RIBC2: variants seen among roughly 807,000 people sequenced by gnomAD.
RIBC2 encodes RIB43A domain with coiled-coils 2, also known as RIB43A-like with coiled-coils protein 2.
A neutral mutation model predicts 44.3 loss-of-function variants in RIBC2; 40 were observed. The ratio of observed to expected loss-of-function variants is 0.90; its 90% CI spans 0.70 to 1.18. RIBC2 has a LOEUF of 1.18. Ranked by LOEUF, RIBC2 falls within the 50% of genes most tolerant of loss-of-function variation. The pLI is 0.00. For synonymous variants in RIBC2, 171 were observed against 175.0 expected (o/e 0.98, Z 0.18); for missense variants, 459 against 485.5 (o/e 0.95, Z 0.51).
chr22:45,422,143 C>T, intron 3 of RIBC2, 147 bp from the exon 4 acceptor site: 1 of 681,984 alleles, frequency 1.5e-6, no homozygotes, highest in Non-Finnish European at 2.6e-6. Flanking sequence ...GACTCTCCCA[C>T]AGCCTTCAGA....
At chr22:45,425,752 C>T (rs116615237) in intron 4 of RIBC2, among the ~76,000 whole-genome samples, 196 bp from the exon 5 acceptor site, 346 of 152,268 alleles carry the variant, frequency 2.3e-3, no homozygotes, top group African/African-American at 8.0e-3. Flanking sequence ...CCAGCCCACC[C>T]GCCCAGCAGT....
chr22:45,415,295 G>A (rs572224035), intron 2 of RIBC2, among the ~76,000 whole-genome samples: 2 of 151,772 alleles, frequency 1.3e-5, no homozygotes, highest in Non-Finnish European at 2.9e-5. Flanking sequence ...CATACAATGG[G>A]CTGTTATGTT....
intron 5 of RIBC2, 140 bp from the exon 6 acceptor site, chr22:45,430,760 T>C: frequency 9.2e-7 from 1 of 1,087,426 alleles, no homozygotes; most frequent in Non-Finnish European, 1.3e-6. Flanking sequence ...GCTTCCTGCA[T>C]GACATCGGTC....
intron 3 of RIBC2, 114 bp from the exon 4 acceptor site, chr22:45,422,175 TC>T: frequency 1.4e-6 from 1 of 735,484 alleles, no homozygotes; most frequent in Admixed American, 1.9e-5. Flanking sequence ...TCATTATTGT[TC>T]CCGTCCTCAT....
intron 3 of RIBC2, among the ~76,000 whole-genome samples, chr22:45,421,727 G>A (rs1348888830): frequency 1.3e-5 from 2 of 151,840 alleles, no homozygotes; most frequent in Admixed American, 6.6e-5. Context: ...GCTGGGATGT[G>A]AGCCTCCTCT....
rs1021445701 is a variant in RIBC2, at chr22:45,428,585, C to T, written c.904-2315C>T. 5.3e-5 allele frequency among the ~76,000 whole-genome samples: 8 copies of T among 152,120 alleles called. No homozygotes were observed. In the South Asian group the frequency reaches 1.2e-3, roughly 24 times the overall value. On this transcript the variant is annotated intron_variant, in intron 5 of 6. Coordinates refer to ENST00000614167, the MANE Select transcript of RIBC2 (RefSeq NM_015653.5). ...GGAGTCACGGGAAGGGGCATCAGGGCGGGAGCTTGCGGGTGAACAGAATTG... is the reference window on the plus strand; with the variant it reads ...GGAGTCACGGGAAGGGGCATCAGGGTGGGAGCTTGCGGGTGAACAGAATTG...
intron 2 of RIBC2, among the ~76,000 whole-genome samples, chr22:45,415,346 A>G (rs1371536396): frequency 6.6e-6 from 1 of 152,080 alleles, no homozygotes; most frequent in Admixed American, 6.5e-5. Flanking sequence ...AGAAGAGAGG[A>G]AATATGCCAA....
chr22:45,430,663 T>C (rs1022681282), intron 5 of RIBC2, among the ~76,000 whole-genome samples: 6 of 152,090 alleles, frequency 3.9e-5, no homozygotes, highest in African/African-American at 1.4e-4. Flanking sequence ...CTGCTGTGCC[T>C]TTAGGAGAAG....
chr22:45,426,122 G>A lies in RIBC2; in HGVS notation c.850G>A (p.Glu284Lys). 6.2e-7 allele frequency: 1 copy of A among 1,613,950 alleles called. No individual in the cohort carries two copies. Among genetic ancestry groups the A allele is most frequent in the Non-Finnish European group, 8.5e-7 (1 of 1,180,018 alleles). ...TGACCGCTGGAAGGGCATGACCCAG[G>A]AGCAGCTGGAGCAGATCCGCCTAGT... ...VPDRWKGMTQEQLEQIRLVQK... is the reference protein window; with the variant it reads ...VPDRWKGMTQKQLEQIRLVQK... Residue 284 changes from glutamate (E) to lysine (K), a missense_variant, in exon 5 of 7, where the codon GAG (glutamate) becomes AAG (lysine). Glu to Lys is a moderately conservative substitution (Grantham distance 56, BLOSUM62 1). Coordinates refer to ENST00000614167, the MANE Select transcript of RIBC2 (RefSeq NM_015653.5).
rs776343763 is a variant in RIBC2, at chr22:45,422,324, C to T, written c.591C>T (p.Asp197=). The part of the protein sequence containing the change: ...ALYTETRLQF[D]ETAKHLQKLE... The stretch of plus-strand genomic sequence containing the variant: ...ACACAGAGACAAGGCTGCAGTTTGA[C>T]GAGACAGCCAAGCACCTCCAGAAGC... The change falls in exon 4 of 7, where the codon GAC becomes GAT. Residue 197 remains aspartate (D), a synonymous_variant. Coordinates refer to ENST00000614167, the MANE Select transcript of RIBC2 (RefSeq NM_015653.5). The T allele has an allele frequency of 7.4e-6, 12 of 1,614,012 alleles. No homozygotes were observed. The highest frequency in any genetic ancestry group is 5.3e-5 in the African/African-American group (4 of 74,920).
chr22:45,414,316 T>A lies in RIBC2; in HGVS notation c.130-6T>A, dbSNP rs1336138379. 6 of 1,547,882 alleles carry A rather than the reference T, an allele frequency of 3.9e-6. No individual in the cohort carries two copies. The African/African-American group carries it at 5.5e-5, about 14-fold the overall frequency. ...TAACCCTTCTCCTCTGTTTTTCCAT[T>A]TATAGGGAGACACTGAAGCCTGGGA... is the stretch of plus-strand genomic sequence containing the variant. On this transcript the variant is annotated splice_region_variant and splice_polypyrimidine_tract_variant and intron_variant, in intron 1 of 6. Coordinates refer to ENST00000614167, the MANE Select transcript of RIBC2 (RefSeq NM_015653.5).
rs762675363 is a variant in RIBC2, at chr22:45,422,455, G to A, written c.675+47G>A. On this transcript the variant is annotated intron_variant, in intron 4 of 6. Coordinates refer to ENST00000614167, the MANE Select transcript of RIBC2 (RefSeq NM_015653.5). ...GGGCTCGACGACTGGAGGGGAGGAT[G>A]AGCCCACTACGGCTTCCCAAGGCTC... The A allele has an allele frequency of 1.2e-5, 17 of 1,362,532 alleles. No individual in the cohort carries two copies. The Middle Eastern group carries it at 5.4e-4, about 43-fold the overall frequency. 84.4% of individuals were successfully genotyped at this position (1,362,532 alleles called of 1,614,324 possible).
chr22:45,422,889 A>C (rs2087500400), intron 4 of RIBC2, among the ~76,000 whole-genome samples: 1 of 151,822 alleles, frequency 6.6e-6, no homozygotes, highest in African/African-American at 2.4e-5. Flanking sequence ...CCTCCTCTCT[A>C]AACTCTGGCC....
intron 2 of RIBC2, among the ~76,000 whole-genome samples, chr22:45,414,763 C>T (rs559095196): frequency 4.1e-4 from 62 of 152,038 alleles, no homozygotes; most frequent in Non-Finnish European, 3.8e-4. Flanking sequence ...CTATTGAATT[C>T]GAATGTGGAT....
At chr22:45,417,506 C>G in intron 2 of RIBC2, 96 bp from the exon 3 acceptor site, 3 of 975,256 alleles carry the variant, frequency 3.1e-6, no homozygotes, top group Non-Finnish European at 4.5e-6. Context: ...TAATGAGGCC[C>G]TATCTCTAAA....
In RIBC2 at chr22:45,413,898, G is replaced by C; in HGVS notation, c.12G>C (p.Gln4His). Residue 4 changes from glutamine to histidine, a missense_variant, in exon 1 of 7, where the codon CAG (glutamine) becomes CAC (histidine). By Grantham distance (24) the Gln-to-His change is conservative. Transcript: ENST00000614167. MGS[Q>H]TMAVALPRDL... ...CCCTTAGGCTTTCCATGGGTTCCCA[G>C]ACCATGGCGGTGGCGCTGCCCAGGG... is the stretch of plus-strand genomic sequence containing the variant. 6.4e-7 allele frequency: 1 copy of C among 1,551,366 alleles called. No individual in the cohort carries two copies. Among genetic ancestry groups the C allele is most frequent in the South Asian group, 1.2e-5 (1 of 83,998 alleles).
At chr22:45,423,600 C>T (rs2087506503) in intron 4 of RIBC2, among the ~76,000 whole-genome samples, 2 of 152,134 alleles carry the variant, frequency 1.3e-5, no homozygotes, top group African/African-American at 4.8e-5. Flanking sequence ...TCAAAACTGT[C>T]CTGGTGGAGG....
At chr22:45,416,918 T>C (rs1469713941) in intron 2 of RIBC2, among the ~76,000 whole-genome samples, 1 of 151,052 alleles carries the variant, frequency 6.6e-6, no homozygotes, top group Non-Finnish European at 1.5e-5. Flanking sequence ...TTTTTTTTTT[T>C]TGAGACAGAG....
At chr22:45,429,059 AT>A (rs1179321970) in intron 5 of RIBC2, among the ~76,000 whole-genome samples, 1 of 152,218 alleles carries the variant, frequency 6.6e-6, no homozygotes, top group Non-Finnish European at 1.5e-5. Flanking sequence ...TGCGGGGGGC[AT>A]AATCATTGGA....
Sources: allele counts gnomAD v4.1 joint callset (sites outside exome capture counted in the v4.1 genomes callset), GRCh38; gene constraint gnomAD v4.1.1; transcripts MANE v1.5; gene names NCBI Gene and HGNC (gene_info 2026-07-23, HGNC 2026-07-21).